Variants in CCDC146 observed in about 807,000 individuals in gnomAD.
The protein encoded by CCDC146 is coiled-coil domain containing 146.
In CCDC146, 92 loss-of-function variants were observed where a neutral mutation model predicts 119.3. That is an observed-to-expected ratio of 0.77 (90% confidence interval 0.65 to 0.92). CCDC146 has a LOEUF of 0.92. Ranked by LOEUF, CCDC146 falls within the 40% of genes least tolerant of loss-of-function variation. The probability of loss-of-function intolerance (pLI) is 0.00; values close to 1 mark genes in which losing one functional copy is unlikely to be tolerated. For missense variants in CCDC146, 1,000 were observed against 1,103.0 expected, an observed-to-expected ratio of 0.91 and a Z score of 1.32; for synonymous variants, 372 against 371.8, an observed-to-expected ratio of 1.00 and a Z score of -0.01.
At chr7:77,159,088 C>T (rs1791220306) in intron 1 of CCDC146, among the ~76,000 whole-genome samples, 1 of 152,066 alleles carries the variant, frequency 6.6e-6, no homozygotes, top group South Asian at 2.1e-4. Context: ...AACCACCAAC[C>T]ATCATCAATC....
chr7:77,174,096 A>G (rs1324065061), intron 2 of CCDC146, among the ~76,000 whole-genome samples: 1 of 152,096 alleles, frequency 6.6e-6, no homozygotes, highest in African/African-American at 2.4e-5. Flanking sequence ...CTCCCACCCA[A>G]GATAAACACT....
intron 2 of CCDC146, among the ~76,000 whole-genome samples, chr7:77,228,106 T>C (rs1473488396): frequency 6.6e-6 from 1 of 152,226 alleles, no homozygotes; most frequent in African/African-American, 2.4e-5. Context: ...AAGACCAAAA[T>C]GTATTAGGAG....
chr7:77,243,325 A>G (rs1247113512), intron 4 of CCDC146, among the ~76,000 whole-genome samples: 6 of 152,376 alleles, frequency 3.9e-5, no homozygotes, highest in East Asian at 1.9e-4. Flanking sequence ...TTCAAAATGC[A>G]CATTTGCAGA....
chr7:77,250,766 A>C (rs887278069), intron 4 of CCDC146, among the ~76,000 whole-genome samples: 1 of 148,356 alleles, frequency 6.7e-6, no homozygotes, highest in Admixed American at 6.7e-5. Flanking sequence ...TATTCCTCTT[A>C]TGAGTATTTA....
At chr7:77,226,308 G>T (rs1328426204) in intron 2 of CCDC146, among the ~76,000 whole-genome samples, 1 of 152,166 alleles carries the variant, frequency 6.6e-6, no homozygotes, top group African/African-American at 2.4e-5. Flanking sequence ...CCAGAATGAA[G>T]CCAACCCACT....
intron 18 of CCDC146, 105 bp downstream of exon 18, chr7:77,293,305 C>A (rs925344199): frequency 3.4e-6 from 4 of 1,184,450 alleles, no homozygotes; most frequent in African/African-American, 3.1e-5. Flanking sequence ...CCCACTCTAC[C>A]ACACACAGTC....
In CCDC146 at chr7:77,278,794, C is replaced by A; in HGVS notation, c.1483C>A (p.Leu495Ile). 1 of 1,612,010 alleles carries A rather than the reference C, an allele frequency of 6.2e-7. No individual in the cohort carries two copies. Among genetic ancestry groups the A allele is most frequent in the Non-Finnish European group, 8.5e-7 (1 of 1,179,218 alleles). The stretch of plus-strand genomic sequence containing the variant: ...TGTTAAAGAAATGAAAGCAAAGGAT[C>A]TTGAAATCAGGATACACAAGAAGAA... ...NIVKEMKAKD[L>I]EIRIHKKKKC... The change falls in exon 12 of 19, where the codon CTT (leucine) becomes ATT (isoleucine). Residue 495 changes from leucine (L) to isoleucine (I), a missense_variant. Physicochemically the swap from Leu to Ile is conservative, Grantham distance 5. Coordinates refer to ENST00000285871, the MANE Select transcript of CCDC146 (RefSeq NM_020879.3).
chr7:77,286,843 G>A lies in CCDC146; in HGVS notation c.2194G>A (p.Val732Ile), dbSNP rs749564425. 9 of 1,613,678 alleles carry A rather than the reference G, an allele frequency of 5.6e-6. No homozygotes were observed. Among genetic ancestry groups the A allele is most frequent in the Admixed American group, 1.7e-5 (1 of 60,006 alleles). ...AATTAAAGACCTGGAGAAACAGTTC[G>A]TAAAGCCTGATGGTGAGAATAGAGC... ...DRIKDLEKQF[V>I]KPDGENRARF... The change falls in exon 16 of 19, where the codon GTA (valine) becomes ATA (isoleucine). Residue 732 changes from valine to isoleucine, a missense_variant. Coordinates refer to ENST00000285871, the MANE Select transcript of CCDC146 (RefSeq NM_020879.3).
Position 77,274,466 on chromosome 7 carries a change from TG to T in CCDC146, c.1270-15del, listed in dbSNP as rs1413711375. On this transcript the variant is annotated splice_polypyrimidine_tract_variant and intron_variant, in intron 10 of 18. Coordinates refer to ENST00000285871, the MANE Select transcript of CCDC146 (RefSeq NM_020879.3). ...AACAAATAACTTATAATATTATCTG[TG>T]TTTTTTTTCAAAAGAAAATTATATC... 6 of 1,442,392 alleles carry T rather than the reference TG, an allele frequency of 4.2e-6. No homozygotes were observed. In the Admixed American group the frequency reaches 1.2e-4, roughly 29 times the overall value. The allele number at this position is 1,442,392 out of a possible 1,614,324, so 89.3% of individuals were successfully genotyped here. A position where few individuals can be genotyped will look rare whatever the true frequency, so the allele number is the denominator to read the frequency against.
chr7:77,132,907 T>C (rs10267489), intron 1 of CCDC146, among the ~76,000 whole-genome samples: 7,459 of 152,060 alleles, frequency 0.049, 594 homozygotes, highest in African/African-American at 0.17. Flanking sequence ...CACGGTGGCT[T>C]ATGCCTGTAA....
intron 15 of CCDC146, 113 bp downstream of exon 15, chr7:77,282,898 A>G (rs1793789000): frequency 1.4e-6 from 1 of 690,328 alleles, no homozygotes; most frequent in Non-Finnish European, 2.5e-6. Context: ...TGGGACCTAT[A>G]AGAATCCATC....
intron 2 of CCDC146, among the ~76,000 whole-genome samples, chr7:77,206,648 CATAT>C (rs59790661): frequency 0.037 from 5,103 of 139,146 alleles, 224 homozygotes; most frequent in East Asian, 0.14. Context: ...AAGAAACATA[CATAT>C]ATATATATAT....
At chr7:77,186,738 C>G (rs987751939) in intron 2 of CCDC146, among the ~76,000 whole-genome samples, 1 of 152,140 alleles carries the variant, frequency 6.6e-6, no homozygotes, top group East Asian at 1.9e-4. Context: ...ATTCACGAAT[C>G]AGGCAGCCCC....
chr7:77,122,867 G>A (rs1790642320), intron 1 of CCDC146, 135 bp downstream of exon 1: 1 of 152,848 alleles, frequency 6.5e-6, no homozygotes, highest in African/African-American at 2.4e-5. Flanking sequence ...AGAGAGTAAA[G>A]AGCAAGATTG....
intron 2 of CCDC146, among the ~76,000 whole-genome samples, chr7:77,218,242 T>G (rs533363700): frequency 4.7e-4 from 71 of 151,778 alleles, no homozygotes; most frequent in African/African-American, 1.6e-3. Context: ...TTTATATACC[T>G]ATATATGAAT....
Position 77,140,185 on chromosome 7 carries a change from G to A in CCDC146, c.-12+17453G>A, listed in dbSNP as rs370255635. Among the ~76,000 whole-genome samples, 42 of 151,802 alleles carry A rather than the reference G, an allele frequency of 2.8e-4. 1 individual carries two copies. In the East Asian group the frequency reaches 8.0e-3, roughly 29 times the overall value. ...GCTGGGATTAAAGGCATGAGCCACC[G>A]TTCCCGGCCAATCAGTTGTATTTCT... is the stretch of plus-strand genomic sequence containing the variant. On this transcript the variant is annotated intron_variant, in intron 1 of 18. Coordinates refer to ENST00000285871, the MANE Select transcript of CCDC146 (RefSeq NM_020879.3).
chr7:77,218,694 G>T (rs961966227), intron 2 of CCDC146, among the ~76,000 whole-genome samples: 1 of 151,236 alleles, frequency 6.6e-6, no homozygotes, highest in Non-Finnish European at 1.5e-5. Context: ...CATCTCCCAG[G>T]CTCAAGTGAT....
At chr7:77,265,094 C>T (rs1364623291) in intron 9 of CCDC146, among the ~76,000 whole-genome samples, 1 of 152,226 alleles carries the variant, frequency 6.6e-6, no homozygotes, top group Admixed American at 6.5e-5. Context: ...TCCATCTTAG[C>T]CCGAAGCACA....
chr7:77,188,148 T>G (rs886064246), intron 2 of CCDC146, among the ~76,000 whole-genome samples: 2 of 152,242 alleles, frequency 1.3e-5, no homozygotes, highest in African/African-American at 4.8e-5. Flanking sequence ...GTGAATCTGC[T>G]GTGATTATGG....
Sources: allele counts gnomAD v4.1 joint callset (sites outside exome capture counted in the v4.1 genomes callset), GRCh38; gene constraint gnomAD v4.1.1; transcripts MANE v1.5; gene names NCBI Gene and HGNC (gene_info 2026-07-23, HGNC 2026-07-21).